USP30: variants seen among roughly 807,000 people sequenced by gnomAD.
USP30 encodes ubiquitin specific peptidase 30.
USP30 carries 41 observed loss-of-function variants against 68.2 expected under a neutral mutation model. That is an observed-to-expected ratio of 0.60 (90% CI 0.47 to 0.78). The LOEUF is 0.78. USP30 is among the 30% of genes least tolerant of loss of function. The pLI, the probability that USP30 is intolerant of heterozygous loss-of-function variation, is 0.00. For synonymous variants in USP30, 229 were observed against 253.7 expected, an observed-to-expected ratio of 0.90 and a Z score of 0.93; for missense variants, 522 against 649.4, an observed-to-expected ratio of 0.80 and a Z score of 2.13.
At chr12:109,072,462 G>A (rs2041476609) in intron 6 of USP30, 112 bp downstream of exon 6, 1 of 984,904 alleles carries the variant, frequency 1.0e-6, no homozygotes, top group East Asian at 2.5e-5. Flanking sequence ...CCAGCTTGAA[G>A]TGTGATGTGC....
chr12:109,026,036 A>G (rs1566073318), intron 2 of USP30, among the ~76,000 whole-genome samples: 1 of 152,026 alleles, frequency 6.6e-6, no homozygotes, highest in South Asian at 2.1e-4. Flanking sequence ...TTTTAAAACC[A>G]TGTGTATCTT....
Position 109,071,545 on chromosome 12 carries a change from G to A in USP30, c.481-67G>A, listed in dbSNP as rs536992823. ...CATTCACTGTAGGGTGTCTGCCCGA[G>A]GTGGGTAGTTCTGATCTTGCTCTTG... On this transcript the variant is annotated intron_variant, in intron 4 of 12. Coordinates refer to ENST00000257548, the MANE Select transcript of USP30 (RefSeq NM_032663.5). The A allele has an allele frequency of 1.5e-5, 20 of 1,342,078 alleles. No individual in the cohort carries two copies. The South Asian group carries it at 2.1e-4, about 14-fold the overall frequency. The allele number at this position is 1,342,078 out of a possible 1,614,324, so 83.1% of individuals were successfully genotyped here.
intron 3 of USP30, among the ~76,000 whole-genome samples, chr12:109,027,973 G>GT (rs942207839): frequency 2.6e-5 from 4 of 152,208 alleles, no homozygotes; most frequent in African/African-American, 9.7e-5. Context: ...CTGCCAAGCT[G>GT]TTTTCTACAG....
At chr12:109,050,625 T>C (rs1314653431), upstream of USP30, among the ~76,000 whole-genome samples, 1 of 152,140 alleles carries the variant, frequency 6.6e-6, no homozygotes, top group African/African-American at 2.4e-5. Context: ...TAAACTGTGC[T>C]GTCCAATACG....
intron 6 of USP30, among the ~76,000 whole-genome samples, chr12:109,072,915 A>G (rs1219953517): frequency 1.3e-5 from 2 of 152,144 alleles, no homozygotes; most frequent in African/African-American, 4.8e-5. Flanking sequence ...AGGCTTGTAG[A>G]GATTAAAGGC....
In USP30 at chr12:109,035,822, C is replaced by T. The variant is rs542412380; in HGVS notation, c.-136+8266C>T. 2.6e-5 allele frequency among the ~76,000 whole-genome samples: 4 copies of T among 152,226 alleles called. No homozygotes were observed. The South Asian group carries it at 6.2e-4, about 24-fold the overall frequency. ...CATCAGCATAAATTTATAATTATTG[C>T]TTTATGTGGTTGTCTTTAAAATCAG... On this transcript the variant is annotated intron_variant, in intron 3 of 15. Transcript: ENST00000392784.
chr12:109,071,786 C>A, intron 5 of USP30, 76 bp downstream of exon 5: 1 of 1,299,698 alleles, frequency 7.7e-7, no homozygotes, highest in Non-Finnish European at 1.1e-6. Flanking sequence ...CAAGTGTAAT[C>A]TTTGTACAAC....
upstream of USP30, chr12:109,052,402 A>G (rs187146639): frequency 1.5e-3 from 507 of 336,916 alleles, 9 homozygotes; most frequent in South Asian, 0.015. Flanking sequence ...AGCAAATCTG[A>G]AAACCAAGCA....
intron 3 of USP30, among the ~76,000 whole-genome samples, chr12:109,040,505 A>G (rs1268821661): frequency 1.3e-5 from 2 of 152,186 alleles, no homozygotes; most frequent in Non-Finnish European, 2.9e-5. Flanking sequence ...TATCCCACAC[A>G]GTTTCTGTGA....
At chr12:109,054,100 T>C in intron 1 of USP30, 1 of 455,080 alleles carries the variant, frequency 2.2e-6, no homozygotes, top group South Asian at 1.6e-5. Flanking sequence ...AGTGTTTGAT[T>C]AGGGGATTTT....
chr12:109,081,400 A>G lies in USP30; in HGVS notation c.780+7A>G, dbSNP rs995115231. ...TATTCCAGCCGCCACATGGGTATGT[A>G]CTGATTTATGGTTTATTTGGAGTCT... On this transcript the variant is annotated splice_region_variant and intron_variant, in intron 8 of 12. Coordinates refer to ENST00000257548, the MANE Select transcript of USP30 (RefSeq NM_032663.5). 5 of 1,613,708 alleles carry G rather than the reference A, an allele frequency of 3.1e-6. No individual in the cohort carries two copies. In the African/African-American group the frequency reaches 5.3e-5, roughly 17 times the overall value.
intron 7 of USP30, among the ~76,000 whole-genome samples, chr12:109,079,386 G>A (rs2041730479): frequency 1.4e-5 from 1 of 73,180 alleles, no homozygotes. Flanking sequence ...TTTTGTGACA[G>A]GGGTCTTAGC....
chr12:109,081,615 G>A (rs931953981), intron 8 of USP30: 13 of 525,606 alleles, frequency 2.5e-5, no homozygotes, highest in Non-Finnish European at 4.0e-5. Context: ...ACACACGCAC[G>A]CATGCGCGCA....
At chr12:109,031,197 C>T (rs1409844505) in intron 3 of USP30, among the ~76,000 whole-genome samples, 1 of 152,098 alleles carries the variant, frequency 6.6e-6, no homozygotes, top group Non-Finnish European at 1.5e-5. Context: ...ATTAATGTGA[C>T]TACACGCATT....
At chr12:109,030,170 T>A (rs2040470874) in intron 3 of USP30, among the ~76,000 whole-genome samples, 1 of 152,228 alleles carries the variant, frequency 6.6e-6, no homozygotes. Flanking sequence ...AATCATTGTG[T>A]ACTGGGCACC....
In USP30 at chr12:109,082,888, AGCCACGGCAC is replaced by A. The variant is rs1414993351; in HGVS notation, c.998_1007del (p.His333LeufsTer2). 2.5e-6 allele frequency: 4 copies of A among 1,614,134 alleles called. No individual in the cohort carries two copies. The highest frequency in any genetic ancestry group is 3.4e-6 in the Non-Finnish European group (4 of 1,180,056). On this transcript the variant is annotated frameshift_variant, in exon 11 of 13. Transcript: ENST00000257548. LOFTEE classifies it high-confidence loss of function. The stretch of plus-strand genomic sequence containing the variant: ...CCACCTACAGCGGCTGAGCTGGTCC[AGCCACGGCAC>A]GCCTCTGAAGCGGCATGAGCACGTG...
rs2041713719 is a variant in USP30 at position 109,079,339 on chromosome 12, C to CTTTTTTTTTTCTT, written c.721-1985_721-1984insCTTTTTTTTTTTT. 5.3e-4 allele frequency among the ~76,000 whole-genome samples: 33 copies of CTTTTTTTTTTCTT among 62,230 alleles called. 1 individual carries two copies. Among genetic ancestry groups the CTTTTTTTTTTCTT allele is most frequent in the East Asian group, 1.4e-3 (3 of 2,098 alleles). The allele number at this position is 62,230 out of a possible 152,430, so 40.8% of individuals were successfully genotyped here. On this transcript the variant is annotated intron_variant, in intron 7 of 12. Transcript: ENST00000257548. ...TTTTCTCTTTTTTTCTTTTCTTTTT[C>CTTTTTTTTTTCTT]TTTTTTTTTTTCTTTTTTTTTTTTT... is the stretch of plus-strand genomic sequence containing the variant.
At chr12:109,083,785 T>G (rs556081779) in intron 11 of USP30, among the ~76,000 whole-genome samples, 1 of 152,278 alleles carries the variant, frequency 6.6e-6, no homozygotes, top group African/African-American at 2.4e-5. Context: ...AGGTCAGGAT[T>G]GTCTCACACC....
intron 11 of USP30, among the ~76,000 whole-genome samples, chr12:109,084,451 A>G (rs1033927070): frequency 6.6e-6 from 1 of 152,212 alleles, no homozygotes; most frequent in East Asian, 1.9e-4. Flanking sequence ...TTGCCTCCCA[A>G]GGGACATTGG....
Sources: gnomAD v4.1 joint callset for allele counts (sites outside exome capture counted in the v4.1 genomes callset) on GRCh38, gnomAD v4.1.1 for gene constraint, MANE v1.5 for transcripts, NCBI Gene and HGNC (gene_info 2026-07-23, HGNC 2026-07-21) for gene names.